The following CCDC85A variants were observed in gnomAD, a reference collection of about 807,000 sequenced individuals.
The protein encoded by CCDC85A is coiled-coil domain-containing protein 85A.
A neutral mutation model predicts 50.2 loss-of-function variants in CCDC85A; 38 were observed. The observed-to-expected ratio is 0.76, with a 90% CI of 0.58 to 0.99. CCDC85A has a LOEUF of 0.99. Ranked by LOEUF, CCDC85A falls within the 50% of genes least tolerant of loss-of-function variation. The pLI is 0.00. For missense variants in CCDC85A, 820 were observed against 742.0 expected (o/e 1.11, Z -1.22); for synonymous variants, 366 against 301.4 (o/e 1.21, Z -2.22).
At chr2:56,312,059 A>T (rs1010020560) in intron 2 of CCDC85A, among the ~76,000 whole-genome samples, 1 of 152,132 alleles carries the variant, frequency 6.6e-6, no homozygotes, top group East Asian at 1.9e-4. Context: ...TTTGGCTGTG[A>T]TATTGGGCAT....
At chr2:56,210,052 G>A (rs73940623) in intron 2 of CCDC85A, among the ~76,000 whole-genome samples, 1,862 of 152,170 alleles carry the variant, frequency 0.012, 44 homozygotes, top group African/African-American at 0.043. Flanking sequence ...ATTCTTGCCT[G>A]ACATTATCTA....
At chr2:56,371,644 A>G (rs1421296619) in intron 3 of CCDC85A, among the ~76,000 whole-genome samples, 1 of 152,118 alleles carries the variant, frequency 6.6e-6, no homozygotes, top group Non-Finnish European at 1.5e-5. Context: ...ATAGGATTAT[A>G]CAGTTTGGTG....
At chr2:56,222,514 T>C (rs1385322821) in intron 2 of CCDC85A, among the ~76,000 whole-genome samples, 1 of 152,108 alleles carries the variant, frequency 6.6e-6, no homozygotes, top group Non-Finnish European at 1.5e-5. Flanking sequence ...TGGGCTGGAA[T>C]TTTTCACTTT....
intron 3 of CCDC85A, among the ~76,000 whole-genome samples, chr2:56,355,502 T>C (rs919676921): frequency 7.2e-5 from 11 of 152,232 alleles, no homozygotes; most frequent in African/African-American, 2.7e-4. Context: ...TCAGAAATGC[T>C]TAATTGAGAC....
chr2:56,225,699 G>T (rs1167666082), intron 2 of CCDC85A, among the ~76,000 whole-genome samples: 1 of 152,168 alleles, frequency 6.6e-6, no homozygotes, highest in East Asian at 1.9e-4. Flanking sequence ...GAAAGGGATT[G>T]CATTGAATCT....
intron 2 of CCDC85A, among the ~76,000 whole-genome samples, chr2:56,219,492 T>C (rs1325307729): frequency 6.6e-6 from 1 of 151,748 alleles, no homozygotes; most frequent in Non-Finnish European, 1.5e-5. Flanking sequence ...TCTGCTGCAA[T>C]GACAAACTGC....
At chr2:56,327,918 G>A (rs755734744) in intron 2 of CCDC85A, among the ~76,000 whole-genome samples, 1 of 151,118 alleles carries the variant, frequency 6.6e-6, no homozygotes. Context: ...CCTGCTCTGT[G>A]CTAGTCCTTG....
intron 2 of CCDC85A, among the ~76,000 whole-genome samples, chr2:56,257,231 A>T (rs901897758): frequency 3.3e-5 from 5 of 152,094 alleles, no homozygotes; most frequent in African/African-American, 9.7e-5. Context: ...TGTGTTGGGG[A>T]GATGGTGGCA....
At chr2:56,231,810 GT>G (rs1668786592) in intron 2 of CCDC85A, among the ~76,000 whole-genome samples, 1 of 152,102 alleles carries the variant, frequency 6.6e-6, no homozygotes. Flanking sequence ...CTCACTACCT[GT>G]TCTTGTCTCA....
At chr2:56,346,372 A>G (rs1674632016) in intron 3 of CCDC85A, among the ~76,000 whole-genome samples, 1 of 152,182 alleles carries the variant, frequency 6.6e-6, no homozygotes, top group Admixed American at 6.5e-5. Context: ...CCCATGTTTT[A>G]TACATATACA....
At chr2:56,285,017 A>G (rs1671368363) in intron 2 of CCDC85A, among the ~76,000 whole-genome samples, 1 of 152,070 alleles carries the variant, frequency 6.6e-6, no homozygotes, top group African/African-American at 2.4e-5. Flanking sequence ...TCTTTAAGAC[A>G]GCAAAATGTT....
intron 3 of CCDC85A, among the ~76,000 whole-genome samples, chr2:56,366,136 C>T (rs1675780857): frequency 6.6e-6 from 1 of 152,136 alleles, no homozygotes; most frequent in African/African-American, 2.4e-5. Context: ...ATATAGATAG[C>T]ACATTTTCTT....
intron 2 of CCDC85A, among the ~76,000 whole-genome samples, chr2:56,319,760 G>A (rs1673081907): frequency 6.6e-6 from 1 of 152,068 alleles, no homozygotes; most frequent in Non-Finnish European, 1.5e-5. Flanking sequence ...CCAGGACCCT[G>A]TGTAATGTCT....
rs1336192523 is a variant in CCDC85A at position 56,329,943 on chromosome 2, C to CTTTTTTTTTTTTTTTTTTTTTTTTTT, written c.1241-12935_1241-12934insTTTTTTTTTTTTTTTTTTTTTTTTTT. On this transcript the variant is annotated intron_variant, in intron 2 of 5. Transcript: ENST00000407595. ...TGAAAATTTGTTTTTTACAGATTTC[C>CTTTTTTTTTTTTTTTTTTTTTTTTTT]TGTTTTTTTTTTTTTTTTTTTTTTT... Among the ~76,000 whole-genome samples, 4 of 22,874 alleles carry CTTTTTTTTTTTTTTTTTTTTTTTTTT rather than the reference C, an allele frequency of 1.7e-4. 1 individual carries two copies. The highest frequency in any genetic ancestry group is 2.8e-4 in the Non-Finnish European group (3 of 10,708). The allele number at this position is 22,874 out of a possible 152,430, so 15.0% of individuals were successfully genotyped here.
Position 56,184,896 on chromosome 2 carries a change from T to G in CCDC85A, c.272T>G (p.Leu91Arg). Residue 91 changes from leucine (L) to arginine (R), a missense_variant, in exon 1 of 6, where the codon CTC becomes CGC. Leu to Arg is a moderately radical substitution (Grantham distance 102). Coordinates refer to ENST00000407595, the MANE Select transcript of CCDC85A (RefSeq NM_001080433.2). ...CTGCACCTCGGCGAGATCCGCGGCC[T>G]CAAGGTGAGCGCGGGCCAGGTGGGG... ...LQLHLGEIRGLKDINQKLQED... is the reference protein window; with the variant it reads ...LQLHLGEIRGRKDINQKLQED... 1.3e-6 allele frequency: 2 copies of G among 1,511,142 alleles called. No individual in the cohort carries two copies. Among genetic ancestry groups the G allele is most frequent in the Non-Finnish European group, 1.8e-6 (2 of 1,133,762 alleles). 93.6% of individuals were successfully genotyped at this position (1,511,142 alleles called of 1,614,324 possible).
At chr2:56,328,622 G>A (rs997282997) in intron 2 of CCDC85A, among the ~76,000 whole-genome samples, 3 of 152,130 alleles carry the variant, frequency 2.0e-5, no homozygotes, top group Admixed American at 6.5e-5. Context: ...GAACAAAATA[G>A]AACTTTTGGT....
chr2:56,214,494 C>T (rs1401778634), intron 2 of CCDC85A, among the ~76,000 whole-genome samples: 1 of 151,916 alleles, frequency 6.6e-6, no homozygotes, highest in African/African-American at 2.4e-5. Flanking sequence ...AGTGATTTTG[C>T]AGTGTACGTT....
At chr2:56,376,002 A>G (rs950304060) in intron 5 of CCDC85A, 67 bp downstream of exon 5, 9 of 1,545,432 alleles carry the variant, frequency 5.8e-6, no homozygotes, top group Non-Finnish European at 7.9e-6. Context: ...GCTGTAGTCT[A>G]GTAGTCCTCA....
intron 2 of CCDC85A, among the ~76,000 whole-genome samples, chr2:56,319,355 G>C (rs1037451918): frequency 6.6e-6 from 1 of 152,020 alleles, no homozygotes; most frequent in South Asian, 2.1e-4. Context: ...ATCAATGCTT[G>C]TAACTGCTAG....
Sources: allele counts gnomAD v4.1 joint callset (sites outside exome capture counted in the v4.1 genomes callset), GRCh38; gene constraint gnomAD v4.1.1; transcripts MANE v1.5; gene names NCBI Gene and HGNC (gene_info 2026-07-23, HGNC 2026-07-21).